DOP1B: variants seen among roughly 807,000 people sequenced by gnomAD.
The protein encoded by DOP1B is DOP1 leucine zipper like protein B, also known as protein DOP1B.
DOP1B carries 174 observed loss-of-function variants against 233.5 expected under a neutral mutation model. That is an observed-to-expected ratio of 0.75 (90% CI 0.66 to 0.85). The LOEUF is 0.85. Ranked by LOEUF, DOP1B falls within the 40% of genes least tolerant of loss-of-function variation. DOP1B has a pLI of 0.00. For synonymous variants in DOP1B, 1,190 were observed against 1,185.6 expected, an observed-to-expected ratio of 1.00 and a Z score of -0.08; for missense variants, 2,652 against 2,846.6, an observed-to-expected ratio of 0.93 and a Z score of 1.56.
intron 4 of DOP1B, among the ~76,000 whole-genome samples, chr21:36,208,154 G>A (rs919212289): frequency 1.1e-4 from 17 of 152,236 alleles, no homozygotes; most frequent in African/African-American, 3.9e-4. Context: ...CACCACTCCA[G>A]GCTGATGGAA....
At chr21:36,164,625 C>A in intron 1 of DOP1B, 83 bp from the exon 2 acceptor site, 2 of 1,113,270 alleles carry the variant, frequency 1.8e-6, no homozygotes, top group Non-Finnish European at 2.4e-6. Flanking sequence ...TTTGTGGACA[C>A]GTGTCTTCTG....
At chr21:36,272,483 C>G (rs1432777726) in intron 27 of DOP1B, among the ~76,000 whole-genome samples, 1 of 151,610 alleles carries the variant, frequency 6.6e-6, no homozygotes, top group East Asian at 1.9e-4. Context: ...AACTCCATCT[C>G]TACTAAAAAT....
At chr21:36,263,902 A>C (rs143886647) in intron 26 of DOP1B, 88 bp downstream of exon 26, 1 of 1,277,926 alleles carries the variant, frequency 7.8e-7, no homozygotes, top group East Asian at 2.3e-5. Flanking sequence ...GGTAGACAAG[A>C]GACATTGGAC....
chr21:36,161,503 A>G (rs914506933), intron 1 of DOP1B, among the ~76,000 whole-genome samples: 2 of 152,078 alleles, frequency 1.3e-5, no homozygotes, highest in Non-Finnish European at 2.9e-5. Context: ...ATTCAAGTGT[A>G]TAATTCAGTG....
At chr21:36,207,490 G>GTTT (rs1027284202) in intron 4 of DOP1B, among the ~76,000 whole-genome samples, 20 of 120,946 alleles carry the variant, frequency 1.7e-4, no homozygotes, top group African/African-American at 7.0e-4. Context: ...CAGCCAAACA[G>GTTT]TTTTTTTTGT....
Position 36,288,143 on chromosome 21 carries a change from C to G in DOP1B, c.6290C>G (p.Ser2097Cys), listed in dbSNP as rs1018221407. 8 of 1,613,140 alleles carry G rather than the reference C, an allele frequency of 5.0e-6. No homozygotes were observed. The highest frequency in any genetic ancestry group is 5.1e-6 in the Non-Finnish European group (6 of 1,179,844). The change falls in exon 33 of 37, where the codon TCT becomes TGT. Residue 2097 changes from serine to cysteine, a missense_variant. By Grantham distance (112) the Ser-to-Cys change is moderately radical. This residue lies in a region of DOP1B where 2,617 missense variants were observed against 2,794.3 expected (regional missense o/e 0.94). Transcript: ENST00000691173. ...HLTSLWPIMV[S>C]ELIQTFTQLE... ...ACTTCATTGTGGCCAATAATGGTCT[C>G]TGAATTGGTGAGTACAAGTATTGTA...
chr21:36,227,351 T>C (rs547968747), intron 12 of DOP1B, among the ~76,000 whole-genome samples: 6 of 151,206 alleles, frequency 4.0e-5, no homozygotes, highest in African/African-American at 7.3e-5. Flanking sequence ...ATCGAGACCA[T>C]CCTGGCTAAC....
Position 36,293,523 on chromosome 21 carries a change from A to G in DOP1B, c.6849A>G (p.Gln2283=), listed in dbSNP as rs2067582944. ...PVTDSPRILK[Q]LEECIEYDFL... The stretch of plus-strand genomic sequence containing the variant: ...CAGATAGCCCAAGGATCTTAAAACA[A>G]CTGGAAGAATGCATCGAATATGATT... Residue 2283 remains glutamine, a synonymous_variant, in exon 37 of 37, where the codon CAA becomes CAG. Transcript: ENST00000691173. 1 of 1,614,198 alleles carries G rather than the reference A, an allele frequency of 6.2e-7. No individual in the cohort carries two copies. The highest frequency in any genetic ancestry group is 8.5e-7 in the Non-Finnish European group (1 of 1,179,998).
intron 2 of DOP1B, chr21:36,175,688 G>A (rs1428671269): frequency 1.3e-5 from 2 of 152,314 alleles, no homozygotes; most frequent in East Asian, 3.9e-4. Flanking sequence ...AGCTACTCAG[G>A]AGGCTGAGGC....
intron 2 of DOP1B, among the ~76,000 whole-genome samples, chr21:36,191,067 G>A (rs1308523424): frequency 1.3e-5 from 2 of 152,236 alleles, no homozygotes; most frequent in Admixed American, 1.3e-4. Context: ...GAGTTAGAAG[G>A]AATTTGAGAG....
At chr21:36,164,914 CGTAAT>C in intron 2 of DOP1B, 43 bp downstream of exon 2, 1 of 1,404,474 alleles carries the variant, frequency 7.1e-7, no homozygotes, top group Non-Finnish European at 9.3e-7. Context: ...GAGGTGGGGA[CGTAAT>C]TGTCTTTTTA....
At position 36,245,963 on chromosome 21, in the gene DOP1B, C is replaced by A; in HGVS notation, c.3983C>A (p.Pro1328His). ...LCLSFLRSYY[P>H]CYLKVSHRDI... ...CTGAGCTTCCTGCGCTCCTACTACC[C>A]TTGCTATTTGAAGGTCTCGCACCGA... The change falls in exon 19 of 37, where the codon CCT becomes CAT. Residue 1328 changes from proline (P) to histidine (H), a missense_variant. Physicochemically the swap from Pro to His is moderately conservative, Grantham distance 77. Coordinates refer to ENST00000691173, the MANE Select transcript of DOP1B (RefSeq NM_001320714.2). The surrounding 1 kb of genome is among the most constrained non-coding windows in gnomAD (Gnocchi z 5.5). The A allele has an allele frequency of 6.2e-7, 1 of 1,614,060 alleles. No individual in the cohort carries two copies. The highest frequency in any genetic ancestry group is 8.5e-7 in the Non-Finnish European group (1 of 1,180,026).
intron 14 of DOP1B, among the ~76,000 whole-genome samples, chr21:36,231,354 C>T (rs1420718601): frequency 1.3e-5 from 2 of 152,212 alleles, no homozygotes; most frequent in Non-Finnish European, 2.9e-5. Flanking sequence ...CTTCGAGCAT[C>T]ATGTCAGTGC....
chr21:36,160,813 G>A (rs536544269), intron 1 of DOP1B, among the ~76,000 whole-genome samples: 47 of 152,290 alleles, frequency 3.1e-4, no homozygotes, highest in Middle Eastern at 3.4e-3. Flanking sequence ...TTTAAACATG[G>A]CAGTTGTATG....
chr21:36,251,882 A>G (rs2067036084), intron 22 of DOP1B, among the ~76,000 whole-genome samples: 1 of 151,926 alleles, frequency 6.6e-6, no homozygotes, highest in Non-Finnish European at 1.5e-5. Context: ...TAAAATACAT[A>G]TAAGAGTATA....
At position 36,232,775 on chromosome 21, in the gene DOP1B, T is replaced by G. The variant is rs1199369371; in HGVS notation, c.2351-29T>G. The G allele has an allele frequency of 5.0e-6, 8 of 1,611,106 alleles. No individual in the cohort carries two copies. The Admixed American group carries it at 1.2e-4, about 24-fold the overall frequency. On this transcript the variant is annotated intron_variant, in intron 14 of 36. Transcript: ENST00000691173. Reference sequence around the variant, plus strand: ...CCCATTCTCACGTGGTTCTGCTTGTTTCTGCCTCTCCGGCTGGCTTCCTTT... The same window carrying G: ...CCCATTCTCACGTGGTTCTGCTTGTGTCTGCCTCTCCGGCTGGCTTCCTTT...
intron 2 of DOP1B, among the ~76,000 whole-genome samples, chr21:36,187,352 T>C (rs1360515867): frequency 1.4e-5 from 2 of 148,068 alleles, no homozygotes; most frequent in African/African-American, 2.5e-5. Context: ...TGGAGTGCAG[T>C]GGCACCATCT....
At chr21:36,270,319 G>A (rs113120829) in intron 27 of DOP1B, among the ~76,000 whole-genome samples, 162 bp downstream of exon 27, 4,600 of 151,926 alleles carry the variant, frequency 0.03, 257 homozygotes, top group African/African-American at 0.11. Flanking sequence ...TTGGGAGACC[G>A]AGATGGGCAG....
intron 14 of DOP1B, 98 bp from the exon 15 acceptor site, chr21:36,232,706 T>A: frequency 6.5e-7 from 1 of 1,530,824 alleles, no homozygotes; most frequent in South Asian, 1.3e-5. Flanking sequence ...ATTTCTCAGG[T>A]AACTTCCCAG....
Sources: gnomAD v4.1 joint callset for allele counts (sites outside exome capture counted in the v4.1 genomes callset) on GRCh38, gnomAD v4.1.1 for gene constraint, gnomAD v4.1.1 regional missense constraint, Gnocchi (gnomAD v3.1) non-coding constraint, MANE v1.5 for transcripts, NCBI Gene and HGNC (gene_info 2026-07-23, HGNC 2026-07-21) for gene names.